Variants in NR1I2 observed in about 807,000 individuals in gnomAD.
NR1I2 encodes orphan nuclear receptor PAR1.
Under a neutral mutation model 43.3 loss-of-function variants are expected in NR1I2, and 42 were observed. That is an observed-to-expected ratio of 0.97 (90% CI 0.76 to 1.26). The LOEUF is 1.26. Among genes scored for constraint, NR1I2 ranks in the 50% most tolerant of loss-of-function variants. The probability of loss-of-function intolerance (pLI) is 0.00; values close to 1 mark genes in which losing one functional copy is unlikely to be tolerated. For missense variants in NR1I2, 559 were observed against 566.7 expected, an observed-to-expected ratio of 0.99 and a Z score of 0.14; for synonymous variants, 229 against 215.0, an observed-to-expected ratio of 1.06 and a Z score of -0.57.
chr3:119,812,169 G>T (rs1003052714), intron 4 of NR1I2, among the ~76,000 whole-genome samples: 2 of 152,166 alleles, frequency 1.3e-5, no homozygotes, highest in Non-Finnish European at 2.9e-5. Context: ...CCTGTTGGGG[G>T]TGTGACTTTT....
At chr3:119,814,766 G>A (rs770425467) in intron 5 of NR1I2, among the ~76,000 whole-genome samples, 3 of 152,186 alleles carry the variant, frequency 2.0e-5, no homozygotes, top group Non-Finnish European at 2.9e-5. Context: ...GAGGTTGGAG[G>A]GGAGGAGAGG....
chr3:119,816,591 C>T (rs1377766496), intron 8 of NR1I2, among the ~76,000 whole-genome samples: 1 of 152,150 alleles, frequency 6.6e-6, no homozygotes, highest in African/African-American at 2.4e-5. Context: ...GAGGTCAAGA[C>T]AGGAGGATCC....
chr3:119,782,313 T>C lies in NR1I2; in HGVS notation c.-23+13T>C, dbSNP rs1283929499. The C allele has an allele frequency of 1.2e-5, 2 of 171,220 alleles. No homozygotes were observed. The highest frequency in any genetic ancestry group is 2.4e-5 in the African/African-American group (1 of 42,198). The allele number at this position is 171,220 out of a possible 1,614,324, so 10.6% of individuals were successfully genotyped here. On this transcript the variant is annotated intron_variant, in intron 1 of 8. Transcript: ENST00000393716. ...TACCACCAAGCAGGTATGGTTTTTC[T>C]TTCTTTCTCTTTTGCTGGGGGCTGA...
intron 2 of NR1I2, among the ~76,000 whole-genome samples, chr3:119,808,225 A>ATTTCT (rs2055188323): frequency 6.6e-6 from 1 of 152,002 alleles, no homozygotes; most frequent in Non-Finnish European, 1.5e-5. Context: ...TCAGCAGCTC[A>ATTTCT]TTTCTTTCCA....
Position 119,817,485 on chromosome 3 carries a change from G to C in NR1I2, c.*273G>C. ...AGGTCAGGACCATCAGAGAGGCAAGGTTGCCCTTTCCTTTTAAAAGGCCCT... is the reference window on the plus strand; with the variant it reads ...AGGTCAGGACCATCAGAGAGGCAAGCTTGCCCTTTCCTTTTAAAAGGCCCT... On this transcript the variant is annotated 3_prime_UTR_variant, in exon 9 of 9. Coordinates refer to ENST00000393716, the MANE Select transcript of NR1I2 (RefSeq NM_003889.4). 1 of 1,321,060 alleles carries C rather than the reference G, an allele frequency of 7.6e-7. No homozygotes were observed. The highest frequency in any genetic ancestry group is 9.7e-7 in the Non-Finnish European group (1 of 1,026,746). 81.8% of individuals were successfully genotyped at this position (1,321,060 alleles called of 1,614,324 possible). A position where few individuals can be genotyped will look rare whatever the true frequency, so the allele number is the denominator to read the frequency against.
At position 119,815,102 on chromosome 3, in the gene NR1I2, C is replaced by T. The variant is rs1189215872; in HGVS notation, c.918C>T (p.Tyr306=). Residue 306 remains tyrosine (Y), a synonymous_variant, in exon 6 of 9, where the codon TAC becomes TAT. Transcript: ENST00000393716. Reference sequence around the variant, plus strand: ...CCTGGGAGTGTGGCCGGCTGTCCTACTGCTTGGAAGACACTGCAGGTGCCC... The same window carrying T: ...CCTGGGAGTGTGGCCGGCTGTCCTATTGCTTGGAAGACACTGCAGGTGCCC... 6.2e-7 allele frequency: 1 copy of T among 1,614,138 alleles called. No individual in the cohort carries two copies. The highest frequency in any genetic ancestry group is 1.1e-5 in the South Asian group (1 of 91,082).
In NR1I2 at chr3:119,815,104, G is replaced by C; in HGVS notation, c.920G>C (p.Cys307Ser). 1 of 1,614,124 alleles carries C rather than the reference G, an allele frequency of 6.2e-7. No homozygotes were observed. The highest frequency in any genetic ancestry group is 8.5e-7 in the Non-Finnish European group (1 of 1,180,028). ...TGGGAGTGTGGCCGGCTGTCCTACTGCTTGGAAGACACTGCAGGTGCCCGA... is the reference window on the plus strand; with the variant it reads ...TGGGAGTGTGGCCGGCTGTCCTACTCCTTGGAAGACACTGCAGGTGCCCGA... The change falls in exon 6 of 9, where the codon TGC (cysteine) becomes TCC (serine). Residue 307 changes from cysteine to serine, a missense_variant. By Grantham distance (112) the Cys-to-Ser change is moderately radical (BLOSUM62 -1). Transcript: ENST00000393716.
At chr3:119,791,249 G>A (rs944458365) in intron 1 of NR1I2, among the ~76,000 whole-genome samples, 1 of 152,152 alleles carries the variant, frequency 6.6e-6, no homozygotes, top group African/African-American at 2.4e-5. Context: ...GCCCCAGAAG[G>A]CCTATGGACC....
At chr3:119,813,649 A>T (rs1196530620) in intron 5 of NR1I2, among the ~76,000 whole-genome samples, 2 of 152,134 alleles carry the variant, frequency 1.3e-5, no homozygotes, top group African/African-American at 4.8e-5. Context: ...CAGCAGGTTG[A>T]GGGTAGGTTA....
rs2055195880 is a variant in NR1I2 at position 119,808,850 on chromosome 3, A to G, written c.198-1211A>G. Among the ~76,000 whole-genome samples the G allele has an allele frequency of 2.6e-5, 4 of 152,246 alleles. No homozygotes were observed. In the South Asian group the frequency reaches 8.3e-4, roughly 32 times the overall value. On this transcript the variant is annotated intron_variant, in intron 2 of 8. Coordinates refer to ENST00000393716, the MANE Select transcript of NR1I2 (RefSeq NM_003889.4). ...CAAAATACCTAGCCTAGCATCTGAT[A>G]CATAGCATACCTTTAAATAATGTGA...
intron 1 of NR1I2, among the ~76,000 whole-genome samples, chr3:119,797,308 A>C (rs1197571232): frequency 6.6e-6 from 1 of 152,026 alleles, no homozygotes; most frequent in South Asian, 2.1e-4. Flanking sequence ...ATTCACAGAA[A>C]GGAAATGGCC....
intron 1 of NR1I2, among the ~76,000 whole-genome samples, chr3:119,801,965 G>A (rs750673842): frequency 1.3e-5 from 2 of 152,212 alleles, no homozygotes; most frequent in Non-Finnish European, 2.9e-5. Context: ...TTGTTGCATG[G>A]TGGCTTAGGG....
Position 119,818,120 on chromosome 3 carries a change from G to C in NR1I2, c.*908G>C. On this transcript the variant is annotated 3_prime_UTR_variant, in exon 9 of 9. Coordinates refer to ENST00000393716, the MANE Select transcript of NR1I2 (RefSeq NM_003889.4). Reference sequence around the variant, plus strand: ...AGGAGCAAGGGCACAAACTGCAGCTGTGAGTGCGTGTGTGTGATTTGGTGT... The same window carrying C: ...AGGAGCAAGGGCACAAACTGCAGCTCTGAGTGCGTGTGTGTGATTTGGTGT... 1.0e-6 allele frequency: 1 copy of C among 985,682 alleles called. No individual in the cohort carries two copies. The highest frequency in any genetic ancestry group is 1.2e-6 in the Non-Finnish European group (1 of 830,002). The allele number at this position is 985,682 out of a possible 1,614,324, so 61.1% of individuals were successfully genotyped here. A position where few individuals can be genotyped will look rare whatever the true frequency, so the allele number is the denominator to read the frequency against.
chr3:119,796,422 T>A lies in NR1I2; in HGVS notation c.-22-10807T>A, dbSNP rs115764741. ...CATTGGTCATGTTCCACCCAGCAGG[T>A]TCTATCTAGTTCTAATCCTCAATGC... is the stretch of plus-strand genomic sequence containing the variant. On this transcript the variant is annotated intron_variant, in intron 1 of 8. Transcript: ENST00000393716. Among the ~76,000 whole-genome samples the A allele has an allele frequency of 1.7e-3, 264 of 152,216 alleles. 2 individuals are homozygous for A. Among genetic ancestry groups the A allele is most frequent in the African/African-American group, 5.9e-3 (245 of 41,530 alleles).
At chr3:119,798,269 C>G (rs1446027327) in intron 1 of NR1I2, among the ~76,000 whole-genome samples, 2 of 152,160 alleles carry the variant, frequency 1.3e-5, no homozygotes, top group Non-Finnish European at 2.9e-5. Flanking sequence ...TAATTTTGAA[C>G]TCACTATCAC....
At chr3:119,813,104 A>C in intron 5 of NR1I2, 144 bp downstream of exon 5, 2 of 953,562 alleles carry the variant, frequency 2.1e-6, no homozygotes, top group Non-Finnish European at 1.6e-6. Context: ...CCGGGCAGCC[A>C]GTGCTGCTGG....
At chr3:119,785,836 C>A (rs2054835564) in intron 1 of NR1I2, among the ~76,000 whole-genome samples, 2 of 152,186 alleles carry the variant, frequency 1.3e-5, no homozygotes, top group South Asian at 4.1e-4. Context: ...CTGTAACCAA[C>A]TTCTCCATCA....
At chr3:119,796,678 T>C (rs1428973953) in intron 1 of NR1I2, among the ~76,000 whole-genome samples, 3 of 152,238 alleles carry the variant, frequency 2.0e-5, no homozygotes, top group Non-Finnish European at 4.4e-5. Flanking sequence ...ACATTCAAAC[T>C]TGTCTTCTCT....
Position 119,818,104 on chromosome 3 carries a change from G to T in NR1I2, c.*892G>T. The T allele has an allele frequency of 1.0e-6, 1 of 985,624 alleles. No individual in the cohort carries two copies. Among genetic ancestry groups the T allele is most frequent in the Non-Finnish European group, 1.2e-6 (1 of 830,012 alleles). 61.1% of individuals were successfully genotyped at this position (985,624 alleles called of 1,614,324 possible). A position where few individuals can be genotyped will look rare whatever the true frequency, so the allele number is the denominator to read the frequency against. On this transcript the variant is annotated 3_prime_UTR_variant, in exon 9 of 9. Transcript: ENST00000393716. ...AAGGACATGAGTCTGTAGGAGCAAG[G>T]GCACAAACTGCAGCTGTGAGTGCGT...
Sources: allele counts gnomAD v4.1 joint callset (sites outside exome capture counted in the v4.1 genomes callset), GRCh38; gene constraint gnomAD v4.1.1; transcripts MANE v1.5; gene names NCBI Gene and HGNC (gene_info 2026-07-23, HGNC 2026-07-21).